Variants in EDEM3 observed in about 807,000 individuals in gnomAD.
The protein encoded by EDEM3 is ER degradation-enhancing alpha-mannosidase-like protein 3.
Under a neutral mutation model 110.2 loss-of-function variants are expected in EDEM3, and 60 were observed. That is an observed-to-expected ratio of 0.54 (90% CI 0.44 to 0.67). EDEM3 has a LOEUF of 0.67. Among genes scored for constraint, EDEM3 ranks in the 30% least tolerant of loss-of-function variants. The pLI is 0.00. For synonymous variants in EDEM3, 352 were observed against 382.9 expected, an observed-to-expected ratio of 0.92 and a Z score of 0.94; for missense variants, 996 against 1,121.0, an observed-to-expected ratio of 0.89 and a Z score of 1.59.
At chr1:184,744,249 A>AATAT (rs55959890) in intron 2 of EDEM3, among the ~76,000 whole-genome samples, 1,244 of 87,234 alleles carry the variant, frequency 0.014, 17 homozygotes, top group Non-Finnish European at 0.019. Context: ...ACAAATGACA[A>AATAT]ATATATATAT....
intron 16 of EDEM3, among the ~76,000 whole-genome samples, chr1:184,709,262 G>A (rs545314663): frequency 6.6e-6 from 1 of 152,298 alleles, no homozygotes; most frequent in South Asian, 2.1e-4. Flanking sequence ...CAAGATGTAT[G>A]AGAGGTAGAT....
At position 184,702,982 on chromosome 1, in the gene EDEM3, T is replaced by C. The variant is rs1571350126; in HGVS notation, c.2218A>G (p.Ser740Gly). 1 of 1,603,618 alleles carries C rather than the reference T, an allele frequency of 6.2e-7. No individual in the cohort carries two copies. The highest frequency in any genetic ancestry group is 1.1e-5 in the South Asian group (1 of 89,220). ...AACAGAGGGGCAGTATCACTGCTGC[T>C]CCCCTCATTGTCATCTAGCCAGAAA... ...GGIVIDDNEGSSSDTAPLFQM... is the reference protein window; with the variant it reads ...GGIVIDDNEGGSSDTAPLFQM... The change falls in exon 19 of 20, where the codon AGC (serine) becomes GGC (glycine). Residue 740 changes from serine to glycine, a missense_variant. Physicochemically the swap from Ser to Gly is moderately conservative, Grantham distance 56. Coordinates refer to ENST00000318130, the MANE Select transcript of EDEM3 (RefSeq NM_025191.4).
chr1:184,734,681 C>T (rs1317783917), intron 4 of EDEM3, 38 bp from the exon 5 acceptor site: 7 of 814,968 alleles, frequency 8.6e-6, no homozygotes, highest in Non-Finnish European at 1.3e-5. Flanking sequence ...TTCTTTTCTA[C>T]CAAGACAAGG....
At chr1:184,712,624 A>G (rs762887288) in intron 13 of EDEM3, 26 bp from the exon 14 acceptor site, 2 of 1,423,504 alleles carry the variant, frequency 1.4e-6, no homozygotes, top group Non-Finnish European at 1.9e-6. Context: ...ACAAATAAAT[A>G]TAAGTAGATA....
At chr1:184,742,540 G>A (rs1047908809) in intron 2 of EDEM3, among the ~76,000 whole-genome samples, 5 of 152,212 alleles carry the variant, frequency 3.3e-5, no homozygotes, top group East Asian at 1.9e-4. Context: ...ACAGGTGTGC[G>A]CCACCATACT....
intron 17 of EDEM3, among the ~76,000 whole-genome samples, chr1:184,707,479 T>C (rs1173427578): frequency 2.0e-5 from 3 of 152,182 alleles, no homozygotes; most frequent in Non-Finnish European, 4.4e-5. Flanking sequence ...CAATCAACAG[T>C]TGAATGAATC....
chr1:184,703,140 T>A, intron 18 of EDEM3, 144 bp from the exon 19 acceptor site: 1 of 669,946 alleles, frequency 1.5e-6, no homozygotes, highest in Non-Finnish European at 2.3e-6. Flanking sequence ...TTGGACCCAT[T>A]AATTCTCATA....
intron 10 of EDEM3, 53 bp from the exon 11 acceptor site, chr1:184,719,298 T>C: frequency 6.7e-7 from 1 of 1,501,368 alleles, no homozygotes; most frequent in Non-Finnish European, 8.9e-7. Flanking sequence ...TGATTTTATC[T>C]CTAATCATTA....
chr1:184,710,664 C>T (rs1192324736), intron 15 of EDEM3, 117 bp from the exon 16 acceptor site: 1 of 1,151,914 alleles, frequency 8.7e-7, no homozygotes, highest in Non-Finnish European at 1.2e-6. Flanking sequence ...ACTAGTGAAA[C>T]TGGAATAACT....
chr1:184,717,538 A>C lies in EDEM3; in HGVS notation c.1245+2T>G. 6.2e-7 allele frequency: 1 copy of C among 1,602,492 alleles called. No individual in the cohort carries two copies. Among genetic ancestry groups the C allele is most frequent in the Non-Finnish European group, 8.5e-7 (1 of 1,174,902 alleles). On this transcript the variant is annotated splice_donor_variant, in intron 12 of 19. Transcript: ENST00000318130. LOFTEE classifies it high-confidence loss of function. ...TAAGTAAAATGGGGTATATTTTCTTACTTTATATAAGAAGTAGGTACTTTC... is the reference window on the plus strand; with the variant it reads ...TAAGTAAAATGGGGTATATTTTCTTCCTTTATATAAGAAGTAGGTACTTTC...
At chr1:184,703,220 T>C (rs1649727830) in intron 18 of EDEM3, among the ~76,000 whole-genome samples, 2 of 152,168 alleles carry the variant, frequency 1.3e-5, no homozygotes, top group South Asian at 4.1e-4. Flanking sequence ...TACTAGACTA[T>C]TTATAATTGT....
At chr1:184,712,946 T>A (rs1650338836) in intron 13 of EDEM3, among the ~76,000 whole-genome samples, 2 of 152,220 alleles carry the variant, frequency 1.3e-5, no homozygotes, top group East Asian at 1.9e-4. Flanking sequence ...GAGAATCATA[T>A]AAGAATCTTC....
Position 184,741,847 on chromosome 1 carries a change from G to A in EDEM3, c.205-4136C>T, listed in dbSNP as rs116464660. 6.9e-3 allele frequency among the ~76,000 whole-genome samples: 1,051 copies of A among 152,220 alleles called. 4 individuals carry two copies. The highest frequency in any genetic ancestry group is 0.017 in the Middle Eastern group (5 of 294). On this transcript the variant is annotated intron_variant, in intron 2 of 19. Coordinates refer to ENST00000318130, the MANE Select transcript of EDEM3 (RefSeq NM_025191.4). Reference sequence around the variant, plus strand: ...AATTTGAATGGTTATAAAATGGCTGGAACAGTTTTTTTTCCTTCAGAAGTT... The same window carrying A: ...AATTTGAATGGTTATAAAATGGCTGAAACAGTTTTTTTTCCTTCAGAAGTT...
intron 7 of EDEM3, among the ~76,000 whole-genome samples, chr1:184,725,548 C>T (rs1483700898): frequency 3.3e-5 from 5 of 151,760 alleles, no homozygotes; most frequent in African/African-American, 1.2e-4. Flanking sequence ...CATACAAAGT[C>T]AATTTGTTTT....
chr1:184,737,136 A>AT, intron 3 of EDEM3, 72 bp from the exon 4 acceptor site: 1 of 1,280,800 alleles, frequency 7.8e-7, no homozygotes. Flanking sequence ...AAGTAGACTT[A>AT]TCTACATTCT....
chr1:184,739,583 C>G (rs1001528774), intron 2 of EDEM3, among the ~76,000 whole-genome samples: 2 of 151,876 alleles, frequency 1.3e-5, no homozygotes, highest in Non-Finnish European at 2.9e-5. Context: ...TAATTCAGAT[C>G]TTCTTTTATG....
rs1369656889 is a variant in EDEM3, at chr1:184,712,434, G to C, written c.1535C>G (p.Thr512Arg). 6.3e-7 allele frequency: 1 copy of C among 1,583,714 alleles called. No individual in the cohort carries two copies. Among genetic ancestry groups the C allele is most frequent in the East Asian group, 2.3e-5 (1 of 44,056 alleles). ...AAGACATTTCATTTAAAAACTCACT[G>C]TGTTCTTTTTAGAGATGCTTTGATT... Reference protein sequence around the residue: ...TTNQSISKKNTTSEYTELDDS... With the variant: ...TTNQSISKKNRTSEYTELDDS... Residue 512 changes from threonine (T) to arginine (R), a missense_variant and splice_region_variant, in exon 14 of 20, where the codon ACA becomes AGA. Physicochemically the swap from Thr to Arg is moderately conservative, Grantham distance 71 (BLOSUM62 -1). Transcript: ENST00000318130.
chr1:184,733,013 T>C (rs371878680), intron 5 of EDEM3, 23 bp from the exon 6 acceptor site: 67 of 1,610,776 alleles, frequency 4.2e-5, no homozygotes, highest in Non-Finnish European at 5.6e-5. Context: ...AGATGAAACA[T>C]TATCCATATC....
intron 1 of EDEM3, 73 bp downstream of exon 1, chr1:184,754,416 G>C: frequency 3.8e-6 from 6 of 1,596,650 alleles, no homozygotes; most frequent in Non-Finnish European, 4.3e-6. Flanking sequence ...TACGCGACCG[G>C]GTCGCAATGA....
Sources: allele counts gnomAD v4.1 joint callset (sites outside exome capture counted in the v4.1 genomes callset), GRCh38; gene constraint gnomAD v4.1.1; transcripts MANE v1.5; gene names NCBI Gene and HGNC (gene_info 2026-07-23, HGNC 2026-07-21).